The following FAM210A variants were observed in gnomAD, a reference collection of about 807,000 sequenced individuals.
The protein encoded by FAM210A is mitochondrial inner membrane scaffold 1.
In FAM210A, 13 loss-of-function variants were observed where a neutral mutation model predicts 25.3. The ratio of observed to expected loss-of-function variants is 0.51; its 90% CI spans 0.33 to 0.82. The LOEUF (loss-of-function observed/expected upper bound fraction) is 0.82. Among genes scored for constraint, FAM210A ranks in the 40% least tolerant of loss-of-function variants. FAM210A has a pLI of 0.02. For synonymous variants in FAM210A, 125 were observed against 118.7 expected (o/e 1.05, Z -0.35); for missense variants, 319 against 323.2 (o/e 0.99, Z 0.10).
chr18:13,721,493 T>A (rs1246226090), intron 1 of FAM210A, among the ~76,000 whole-genome samples: 1 of 152,184 alleles, frequency 6.6e-6, no homozygotes, highest in Admixed American at 6.5e-5. Context: ...CATCCTTAAG[T>A]GCACTCATCT....
intron 1 of FAM210A, among the ~76,000 whole-genome samples, chr18:13,711,660 A>ACT (rs1251355526): frequency 6.6e-6 from 1 of 151,862 alleles, no homozygotes; most frequent in African/African-American, 2.4e-5. Context: ...TTGGTAATAG[A>ACT]CTCCTTTTTC....
At chr18:13,691,047 A>G (rs567009638) in intron 1 of FAM210A, among the ~76,000 whole-genome samples, 4 of 152,360 alleles carry the variant, frequency 2.6e-5, no homozygotes, top group South Asian at 4.1e-4. Flanking sequence ...TAAACAGTGA[A>G]GAGAAGTCCT....
intron 1 of FAM210A, 122 bp downstream of exon 1, chr18:13,726,207 A>G (rs2043946660): frequency 6.6e-6 from 1 of 152,356 alleles, no homozygotes; most frequent in South Asian, 2.1e-4. Context: ...CAGCCCGAAG[A>G]GCGGCGCACG....
At chr18:13,693,175 A>G (rs1311933607) in intron 1 of FAM210A, among the ~76,000 whole-genome samples, 1 of 152,216 alleles carries the variant, frequency 6.6e-6, no homozygotes, top group Non-Finnish European at 1.5e-5. Flanking sequence ...CTCGACACAT[A>G]CACCCTCCCA....
chr18:13,695,721 G>C (rs1407700801), intron 1 of FAM210A, among the ~76,000 whole-genome samples: 1 of 147,980 alleles, frequency 6.8e-6, no homozygotes, highest in African/African-American at 2.5e-5. Context: ...CGGTGGGTGG[G>C]GGGAGGGGGA....
At position 13,663,615 on chromosome 18, in the gene FAM210A, C is replaced by T. The variant is rs1006171350; in HGVS notation, c.*2865G>A. On this transcript the variant is annotated 3_prime_UTR_variant, in exon 4 of 4. Transcript: ENST00000651643. ...CATTTTACACAGGCGAATCTCAGTC[C>T]TAGCTCCCTCCCCACCCGGTCAACA... 2.0e-5 allele frequency: 3 copies of T among 152,104 alleles called. No homozygotes were observed. Among genetic ancestry groups the T allele is most frequent in the Non-Finnish European group, 4.4e-5 (3 of 68,050 alleles). 9.4% of individuals were successfully genotyped at this position (152,104 alleles called of 1,614,324 possible).
chr18:13,670,281 C>A (rs1265339726), intron 3 of FAM210A, among the ~76,000 whole-genome samples: 1 of 152,194 alleles, frequency 6.6e-6, no homozygotes, highest in Non-Finnish European at 1.5e-5. Flanking sequence ...TTTACATCAG[C>A]ATGATAGTTT....
intron 3 of FAM210A, among the ~76,000 whole-genome samples, chr18:13,668,885 T>C (rs139204951): frequency 2.0e-5 from 3 of 152,356 alleles, no homozygotes; most frequent in East Asian, 3.9e-4. Context: ...CTGTAGTCCA[T>C]GGTTAACCGA....
chr18:13,704,517 T>C (rs1261970501), intron 1 of FAM210A, among the ~76,000 whole-genome samples: 4 of 152,202 alleles, frequency 2.6e-5, no homozygotes, highest in Non-Finnish European at 1.5e-5. Context: ...AAGTATAATG[T>C]AGTGTTTTAA....
At chr18:13,681,475 G>GA (rs1320775529) in intron 2 of FAM210A, 130 bp downstream of exon 2, 2 of 767,076 alleles carry the variant, frequency 2.6e-6, no homozygotes, top group South Asian at 2.1e-5. Flanking sequence ...ATTAAAATGT[G>GA]AAAAAACAGT....
chr18:13,708,188 A>G (rs2043794456), intron 1 of FAM210A, among the ~76,000 whole-genome samples: 1 of 152,152 alleles, frequency 6.6e-6, no homozygotes, highest in Admixed American at 6.6e-5. Context: ...GGTTTGATTA[A>G]TTTGCTAAGA....
chr18:13,721,003 C>T (rs1481215601), intron 1 of FAM210A, among the ~76,000 whole-genome samples: 5 of 152,222 alleles, frequency 3.3e-5, no homozygotes, highest in Middle Eastern at 3.4e-3. Flanking sequence ...GGATTAGGGG[C>T]CCAGCCTACT....
intron 1 of FAM210A, among the ~76,000 whole-genome samples, chr18:13,714,597 T>C (rs996884321): frequency 5.9e-5 from 9 of 152,144 alleles, no homozygotes; most frequent in African/African-American, 2.2e-4. Context: ...TTTTACTTTA[T>C]AGAGAAATCT....
intron 1 of FAM210A, chr18:13,715,323 T>G (rs1313407953): frequency 1.3e-5 from 2 of 152,216 alleles, no homozygotes; most frequent in African/African-American, 4.8e-5. Flanking sequence ...CCAGAACTCC[T>G]GGGCTCAAGT....
chr18:13,677,607 G>C (rs1372671276), intron 2 of FAM210A, among the ~76,000 whole-genome samples: 1 of 152,140 alleles, frequency 6.6e-6, no homozygotes, highest in Admixed American at 6.5e-5. Context: ...AGGGTGTGGC[G>C]CCGGGCTGTC....
intron 2 of FAM210A, among the ~76,000 whole-genome samples, chr18:13,678,241 T>A (rs2043520997): frequency 6.6e-6 from 1 of 152,140 alleles, no homozygotes; most frequent in South Asian, 2.1e-4. Flanking sequence ...GTCACTGGCC[T>A]GCATCCTTTG....
intron 1 of FAM210A, among the ~76,000 whole-genome samples, chr18:13,703,385 A>G (rs2043755982): frequency 6.6e-6 from 1 of 152,216 alleles, no homozygotes; most frequent in Non-Finnish European, 1.5e-5. Context: ...GGGGTGGGCT[A>G]ATTACAAATG....
At chr18:13,712,029 A>G (rs755392266) in intron 1 of FAM210A, among the ~76,000 whole-genome samples, 45 of 152,222 alleles carry the variant, frequency 3.0e-4, no homozygotes, top group Non-Finnish European at 5.9e-4. Context: ...CTGTGTAAGA[A>G]TAAAGAGAAA....
At chr18:13,677,619 G>T (rs1302296999) in intron 2 of FAM210A, among the ~76,000 whole-genome samples, 3 of 152,142 alleles carry the variant, frequency 2.0e-5, no homozygotes. Flanking sequence ...CGGGCTGTCT[G>T]CTTGTGGACT....
Sources: allele counts gnomAD v4.1 joint callset (sites outside exome capture counted in the v4.1 genomes callset), GRCh38; gene constraint gnomAD v4.1.1; transcripts MANE v1.5; gene names NCBI Gene and HGNC (gene_info 2026-07-23, HGNC 2026-07-21).